The following ADK variants were observed in gnomAD, a reference collection of about 807,000 sequenced individuals.
ADK encodes the protein N6,N6-dimethyladenosine kinase.
Under a neutral mutation model 44.7 loss-of-function variants are expected in ADK, and 24 were observed. The observed-to-expected ratio is 0.54, with a 90% CI of 0.39 to 0.76. The LOEUF is 0.76. Among genes scored for constraint, ADK ranks in the 30% least tolerant of loss-of-function variants. The pLI, the probability that ADK is intolerant of heterozygous loss-of-function variation, is 0.00. For missense variants in ADK, 321 were observed against 425.1 expected, an observed-to-expected ratio of 0.76 and a Z score of 2.15; for synonymous variants, 128 against 142.6, an observed-to-expected ratio of 0.90 and a Z score of 0.73.
At chr10:74,544,648 G>A (rs571750614) in intron 7 of ADK, among the ~76,000 whole-genome samples, 5 of 151,966 alleles carry the variant, frequency 3.3e-5, no homozygotes, top group African/African-American at 9.7e-5. Context: ...GGGCTGAGGC[G>A]GGCAGATCAC....
chr10:74,469,065 T>C (rs1032828204), intron 6 of ADK, among the ~76,000 whole-genome samples: 6 of 152,112 alleles, frequency 3.9e-5, no homozygotes, highest in Non-Finnish European at 8.8e-5. Context: ...AGGCTGTACA[T>C]GGTGGCTCAC....
At chr10:74,603,692 T>A (rs1852222215) in intron 9 of ADK, among the ~76,000 whole-genome samples, 1 of 152,210 alleles carries the variant, frequency 6.6e-6, no homozygotes, top group Non-Finnish European at 1.5e-5. Context: ...CTATTGTGAA[T>A]AGTGCTGCAA....
chr10:74,543,203 T>G (rs1474330216), intron 7 of ADK, among the ~76,000 whole-genome samples: 1 of 148,502 alleles, frequency 6.7e-6, no homozygotes, highest in Non-Finnish European at 1.5e-5. Context: ...CCTGGCCTAT[T>G]TCATTTAAAA....
intron 7 of ADK, among the ~76,000 whole-genome samples, chr10:74,553,204 T>G (rs1011734510): frequency 3.2e-5 from 4 of 126,914 alleles, no homozygotes; most frequent in Non-Finnish European, 5.0e-5. Context: ...TTTTTTTTTT[T>G]TTTTTTTTTT....
At chr10:74,707,763 C>CAAA (rs565886417) in intron 10 of ADK, among the ~76,000 whole-genome samples, 9,726 of 103,744 alleles carry the variant, frequency 0.094, 741 homozygotes, top group African/African-American at 0.21. Flanking sequence ...AACTCCACCT[C>CAAA]AAAAAAAAAA....
intron 6 of ADK, among the ~76,000 whole-genome samples, chr10:74,409,204 C>T (rs755165140): frequency 3.9e-5 from 6 of 152,016 alleles, no homozygotes; most frequent in South Asian, 2.1e-4. Flanking sequence ...GAAATCTATG[C>T]GTTATTTCAA....
intron 1 of ADK, among the ~76,000 whole-genome samples, chr10:74,178,457 C>G (rs1006566568): frequency 1.3e-5 from 2 of 152,232 alleles, no homozygotes; most frequent in Admixed American, 6.5e-5. Flanking sequence ...CATTCCCACT[C>G]TTATTATCAC....
chr10:74,353,871 G>GA (rs796424918), intron 4 of ADK, among the ~76,000 whole-genome samples: 185 of 150,990 alleles, frequency 1.2e-3, no homozygotes, highest in African/African-American at 3.9e-3. Context: ...CTGTTTCAAA[G>GA]AAAAAAAAAC....
chr10:74,324,448 CCTT>C (rs1234694405), intron 4 of ADK, among the ~76,000 whole-genome samples: 1 of 152,192 alleles, frequency 6.6e-6, no homozygotes, highest in Non-Finnish European at 1.5e-5. Flanking sequence ...TTTACTTTCT[CCTT>C]CTATGAGATC....
At chr10:74,331,144 C>T (rs1841203674) in intron 4 of ADK, among the ~76,000 whole-genome samples, 1 of 152,076 alleles carries the variant, frequency 6.6e-6, no homozygotes, top group Admixed American at 6.5e-5. Flanking sequence ...GTATTGTAAC[C>T]AGTATACTGG....
chr10:74,534,454 A>C (rs1250038967), intron 7 of ADK, among the ~76,000 whole-genome samples: 4 of 152,204 alleles, frequency 2.6e-5, no homozygotes, highest in Non-Finnish European at 5.9e-5. Context: ...AGATCCCCTT[A>C]TATTTAAGTA....
At chr10:74,455,028 A>T (rs1032705807) in intron 6 of ADK, among the ~76,000 whole-genome samples, 2 of 152,208 alleles carry the variant, frequency 1.3e-5, no homozygotes, top group African/African-American at 4.8e-5. Context: ...ATTTTCTCAC[A>T]TTCCTTCACC....
At chr10:74,247,213 T>C (rs1285658522) in intron 3 of ADK, among the ~76,000 whole-genome samples, 4 of 146,716 alleles carry the variant, frequency 2.7e-5, no homozygotes, top group Admixed American at 7.1e-5. Flanking sequence ...TTTTGATTTT[T>C]TTTTTTTTAA....
At chr10:74,544,167 T>G (rs1450026785) in intron 7 of ADK, among the ~76,000 whole-genome samples, 1 of 152,258 alleles carries the variant, frequency 6.6e-6, no homozygotes, top group Non-Finnish European at 1.5e-5. Flanking sequence ...CATGTTTCTT[T>G]TACACTAGAA....
intron 6 of ADK, among the ~76,000 whole-genome samples, chr10:74,517,584 G>A (rs1848641796): frequency 6.6e-6 from 1 of 151,670 alleles, no homozygotes. Flanking sequence ...AGCTACTTAG[G>A]AGGCAGAGGT....
chr10:74,280,652 G>A (rs1846900511), intron 3 of ADK, among the ~76,000 whole-genome samples: 1 of 152,110 alleles, frequency 6.6e-6, no homozygotes, highest in Admixed American at 6.6e-5. Context: ...TGGGGCTATG[G>A]CAGTGTAAAT....
At chr10:74,333,584 A>G (rs1297229273) in intron 4 of ADK, among the ~76,000 whole-genome samples, 1 of 152,178 alleles carries the variant, frequency 6.6e-6, no homozygotes, top group East Asian at 1.9e-4. Flanking sequence ...GGTGGGGAGT[A>G]TGAAGGGATG....
intron 6 of ADK, among the ~76,000 whole-genome samples, chr10:74,424,535 CAAAAAAAAAAAA>C (rs57106986): frequency 6.8e-4 from 40 of 58,460 alleles, no homozygotes; most frequent in East Asian, 2.3e-3. Context: ...AACTCCGTCT[CAAAAAAAAAAAA>C]AAAAAAAAAA....
intron 9 of ADK, among the ~76,000 whole-genome samples, chr10:74,602,105 CAAAAAAAAA>C (rs58400071): frequency 1.4e-4 from 7 of 48,794 alleles, no homozygotes; most frequent in African/African-American, 4.3e-4. Flanking sequence ...ACCCTGTCTC[CAAAAAAAAA>C]AAAAAAAAAA....
Sources: gnomAD v4.1 joint callset for allele counts (sites outside exome capture counted in the v4.1 genomes callset) on GRCh38, gnomAD v4.1.1 for gene constraint, MANE v1.5 for transcripts, NCBI Gene and HGNC (gene_info 2026-07-23, HGNC 2026-07-21) for gene names.